Variants in LRFN2 observed in about 807,000 individuals in gnomAD.
The protein encoded by LRFN2 is leucine rich repeat and fibronectin type III domain containing 2.
LRFN2 carries 18 observed loss-of-function variants against 37.3 expected under a neutral mutation model. The ratio of observed to expected loss-of-function variants is 0.48; its 90% CI spans 0.33 to 0.72. The LOEUF is 0.72. LRFN2 is among the 30% of genes least tolerant of loss of function. The pLI is 0.02. For synonymous variants in LRFN2, 556 were observed against 466.6 expected, an observed-to-expected ratio of 1.19 and a Z score of -2.47; for missense variants, 1,006 against 1,060.7, an observed-to-expected ratio of 0.95 and a Z score of 0.72.
At chr6:40,429,080 A>G (rs931703647) in intron 2 of LRFN2, among the ~76,000 whole-genome samples, 5 of 152,214 alleles carry the variant, frequency 3.3e-5, no homozygotes, top group African/African-American at 9.6e-5. Context: ...ATCTCCTCTT[A>G]TCTGCATAAC....
At chr6:40,586,298 G>A (rs1423159576) in intron 1 of LRFN2, among the ~76,000 whole-genome samples, 1 of 152,058 alleles carries the variant, frequency 6.6e-6, no homozygotes, top group African/African-American at 2.4e-5. Context: ...CATGGCTAAT[G>A]CCACTTTCCA....
intron 1 of LRFN2, among the ~76,000 whole-genome samples, chr6:40,445,099 C>T (rs1763939320): frequency 6.6e-6 from 1 of 152,170 alleles, no homozygotes; most frequent in South Asian, 2.1e-4. Context: ...GGCATGCAGA[C>T]ATGGGGTGGT....
intron 1 of LRFN2, among the ~76,000 whole-genome samples, chr6:40,500,458 C>A (rs1225196353): frequency 6.6e-6 from 1 of 152,238 alleles, no homozygotes; most frequent in Non-Finnish European, 1.5e-5. Context: ...GAGTGCCTCT[C>A]AGCCCTTGTT....
At chr6:40,412,575 A>G (rs1188836331) in intron 2 of LRFN2, among the ~76,000 whole-genome samples, 1 of 152,286 alleles carries the variant, frequency 6.6e-6, no homozygotes. Context: ...ACTGGGGTCA[A>G]GTCTTATCCC....
intron 1 of LRFN2, among the ~76,000 whole-genome samples, chr6:40,495,845 T>C (rs1042666733): frequency 6.6e-6 from 1 of 152,174 alleles, no homozygotes; most frequent in African/African-American, 2.4e-5. Flanking sequence ...CAACACCTTC[T>C]AGTGGATGAA....
chr6:40,555,201 G>A (rs1364159454), intron 1 of LRFN2, among the ~76,000 whole-genome samples: 1 of 152,182 alleles, frequency 6.6e-6, no homozygotes, highest in Non-Finnish European at 1.5e-5. Context: ...TGAGGAGATG[G>A]GGAGGAACCT....
At chr6:40,480,733 T>C (rs1764809034) in intron 1 of LRFN2, among the ~76,000 whole-genome samples, 1 of 152,170 alleles carries the variant, frequency 6.6e-6, no homozygotes, top group African/African-American at 2.4e-5. Context: ...GAAATAAGAA[T>C]AAATCCCTAG....
intron 1 of LRFN2, among the ~76,000 whole-genome samples, chr6:40,522,161 G>A (rs1766094622): frequency 6.6e-6 from 1 of 152,192 alleles, no homozygotes; most frequent in Non-Finnish European, 1.5e-5. Context: ...GCTGGGGCAA[G>A]CTTGCACCAG....
rs139442984 is a variant in LRFN2 at position 40,420,278 on chromosome 6, C to T, written c.1400+11436G>A. On this transcript the variant is annotated intron_variant, in intron 2 of 2. Coordinates refer to ENST00000338305, the MANE Select transcript of LRFN2 (RefSeq NM_020737.3). The stretch of plus-strand genomic sequence containing the variant: ...CATTCTTCCTGCCCCACCTCTGAGA[C>T]CCTGAAGATGGTGGACATTAATTTG... Among the ~76,000 whole-genome samples, 580 of 152,386 alleles carry T rather than the reference C, an allele frequency of 3.8e-3. 6 individuals are homozygous for T. The highest frequency in any genetic ancestry group is 0.012 in the African/African-American group (509 of 41,592).
rs185720349 is a variant in LRFN2, at chr6:40,479,730, C to T, written c.-18-46599G>A. On this transcript the variant is annotated intron_variant, in intron 1 of 2. Coordinates refer to ENST00000338305, the MANE Select transcript of LRFN2 (RefSeq NM_020737.3). ...GGCAGGACTGGCTTGGGGCTCAGGG[C>T]CGCTGGCTCCCCTGTCGTCACCACA... 1.2e-4 allele frequency among the ~76,000 whole-genome samples: 19 copies of T among 152,278 alleles called. 1 individual carries two copies. In the East Asian group the frequency reaches 3.7e-3, roughly 29 times the overall value.
chr6:40,522,589 G>T (rs1346766178), intron 1 of LRFN2, among the ~76,000 whole-genome samples: 1 of 152,146 alleles, frequency 6.6e-6, no homozygotes, highest in Non-Finnish European at 1.5e-5. Flanking sequence ...TTTCCCAAAG[G>T]TAGCTGGGAT....
intron 1 of LRFN2, among the ~76,000 whole-genome samples, chr6:40,500,833 G>A (rs889299699): frequency 2.0e-5 from 3 of 152,114 alleles, no homozygotes; most frequent in Admixed American, 1.3e-4. Flanking sequence ...ACATCTACAG[G>A]TTTGGAAAGA....
chr6:40,451,069 ACT>A, intron 1 of LRFN2, among the ~76,000 whole-genome samples: 1 of 152,258 alleles, frequency 6.6e-6, no homozygotes, highest in South Asian at 2.1e-4. Flanking sequence ...AGAGAAGTGC[ACT>A]AAGGGAACTA....
chr6:40,473,787 A>G (rs188340717), intron 1 of LRFN2, among the ~76,000 whole-genome samples: 2 of 151,940 alleles, frequency 1.3e-5, no homozygotes, highest in Non-Finnish European at 1.5e-5. Context: ...CCCTGTATCC[A>G]TGTGTTCTCA....
chr6:40,532,000 G>A (rs1336655395), intron 1 of LRFN2, among the ~76,000 whole-genome samples: 1 of 152,172 alleles, frequency 6.6e-6, no homozygotes, highest in Non-Finnish European at 1.5e-5. Flanking sequence ...AATTCTTCAG[G>A]TGTCCGCACA....
At chr6:40,479,816 C>T (rs1764787068) in intron 1 of LRFN2, among the ~76,000 whole-genome samples, 1 of 152,308 alleles carries the variant, frequency 6.6e-6, no homozygotes, top group Middle Eastern at 3.4e-3. Context: ...AGGATGGAGC[C>T]TGGGCCACGT....
At position 40,400,192 on chromosome 6, in the gene LRFN2, C is replaced by T. The variant is rs974297339; in HGVS notation, c.1401-7280G>A. On this transcript the variant is annotated intron_variant, in intron 2 of 2. Coordinates refer to ENST00000338305, the MANE Select transcript of LRFN2 (RefSeq NM_020737.3). ...TACACCTTTCCCTTGAGGACTGGAA[C>T]TGTGTCTTATTCCTCTTTGTATTTC... Among the ~76,000 whole-genome samples, 14 of 152,002 alleles carry T rather than the reference C, an allele frequency of 9.2e-5. 1 individual carries two copies. The highest frequency in any genetic ancestry group is 3.4e-3 in the Middle Eastern group (1 of 294).
chr6:40,446,687 C>A (rs976030255), intron 1 of LRFN2, among the ~76,000 whole-genome samples: 4 of 152,268 alleles, frequency 2.6e-5, no homozygotes. Context: ...CTATTAAAGG[C>A]AAGACAGTCT....
intron 1 of LRFN2, among the ~76,000 whole-genome samples, chr6:40,468,973 C>T (rs1581729502): frequency 1.3e-5 from 2 of 152,228 alleles, no homozygotes; most frequent in East Asian, 3.9e-4. Flanking sequence ...AAGGTATATC[C>T]ACGTCCTAAT....
Sources: gnomAD v4.1 joint callset for allele counts (sites outside exome capture counted in the v4.1 genomes callset) on GRCh38, gnomAD v4.1.1 for gene constraint, MANE v1.5 for transcripts, NCBI Gene and HGNC (gene_info 2026-07-23, HGNC 2026-07-21) for gene names.